The following KIAA1671 variants were observed in gnomAD, a reference collection of about 807,000 sequenced individuals.
KIAA1671 encodes KIAA1671, also known as uncharacterized protein KIAA1671.
Under a neutral mutation model 131.2 loss-of-function variants are expected in KIAA1671, and 52 were observed. The ratio of observed to expected loss-of-function variants is 0.40; its 90% CI spans 0.32 to 0.50. The LOEUF is 0.50. Among genes scored for constraint, KIAA1671 ranks in the 20% least tolerant of loss-of-function variants. The pLI is 0.73. For missense variants in KIAA1671, 2,360 were observed against 2,364.2 expected, an observed-to-expected ratio of 1.00 and a Z score of 0.04; for synonymous variants, 1,003 against 961.6, an observed-to-expected ratio of 1.04 and a Z score of -0.80.
intron 1 of KIAA1671, among the ~76,000 whole-genome samples, chr22:24,972,758 G>C (rs1271453362): frequency 6.6e-5 from 10 of 152,058 alleles, no homozygotes; most frequent in Non-Finnish European, 1.5e-5. Flanking sequence ...ACTGTTCTGG[G>C]CACCAAGGAT....
At chr22:25,167,396 T>C (rs1379978951) in intron 6 of KIAA1671, among the ~76,000 whole-genome samples, 22 of 152,194 alleles carry the variant, frequency 1.4e-4, no homozygotes, top group Admixed American at 1.4e-3. Context: ...CGTCATATTA[T>C]TGATTATAGT....
chr22:24,954,470 A>G (rs1921584863), intron 1 of KIAA1671, among the ~76,000 whole-genome samples: 1 of 152,150 alleles, frequency 6.6e-6, no homozygotes, highest in East Asian at 1.9e-4. Context: ...TACCCAAGAG[A>G]AGTGCAGAGT....
chr22:24,991,592 G>A (rs534044321), intron 1 of KIAA1671, among the ~76,000 whole-genome samples: 10 of 150,942 alleles, frequency 6.6e-5, no homozygotes, highest in Admixed American at 5.3e-4. Flanking sequence ...GAGTAGCTGG[G>A]ACTACAGGCA....
intron 6 of KIAA1671, among the ~76,000 whole-genome samples, chr22:25,162,841 C>A (rs939737166): frequency 3.9e-5 from 6 of 152,216 alleles, no homozygotes; most frequent in African/African-American, 1.4e-4. Context: ...GGAACAGAGA[C>A]CATCATGACC....
chr22:25,074,496 CAA>C (rs759898395), intron 6 of KIAA1671, among the ~76,000 whole-genome samples: 7 of 64,146 alleles, frequency 1.1e-4, no homozygotes, highest in African/African-American at 2.3e-4. Context: ...GGCTGTGTCT[CAA>C]AAAAAAAAAA....
chr22:25,190,287 A>G lies in KIAA1671; in HGVS notation c.5343-415A>G, dbSNP rs553865910. ...AGATCCCTTGCATGCACAGTTCACA[A>G]TAGGGTTCACACTCCTATGAGAATC... On this transcript the variant is annotated intron_variant, in intron 11 of 12. Transcript: ENST00000358431. Among the ~76,000 whole-genome samples the G allele has an allele frequency of 4.9e-4, 74 of 152,184 alleles. No individual in the cohort carries two copies. The South Asian group carries it at 0.015, about 31-fold the overall frequency.
At chr22:25,044,432 G>A (rs1316401271) in intron 5 of KIAA1671, among the ~76,000 whole-genome samples, 3 of 152,096 alleles carry the variant, frequency 2.0e-5, no homozygotes, top group Admixed American at 6.5e-5. Context: ...CGCTGGTGGT[G>A]GGGGAGTCGG....
At chr22:25,130,177 A>T (rs143503942) in intron 6 of KIAA1671, among the ~76,000 whole-genome samples, 281 of 152,364 alleles carry the variant, frequency 1.8e-3, no homozygotes, top group African/African-American at 6.5e-3. Context: ...TGTTATACAT[A>T]AATATTTTGG....
chr22:25,100,273 C>T (rs914032604), intron 6 of KIAA1671, among the ~76,000 whole-genome samples: 1 of 152,188 alleles, frequency 6.6e-6, no homozygotes, highest in African/African-American at 2.4e-5. Flanking sequence ...GTTGAGTTTT[C>T]GTCAGAACTG....
chr22:25,085,509 T>TCC (rs150670577), intron 6 of KIAA1671, among the ~76,000 whole-genome samples: 24 of 145,072 alleles, frequency 1.7e-4, no homozygotes, highest in South Asian at 4.5e-4. Flanking sequence ...GGCCCCCACC[T>TCC]CCCCCCCCAT....
At chr22:25,173,832 A>C (rs555657470) in intron 7 of KIAA1671, among the ~76,000 whole-genome samples, 1 of 152,154 alleles carries the variant, frequency 6.6e-6, no homozygotes, top group African/African-American at 2.4e-5. Flanking sequence ...CTTTTTTTCT[A>C]TTCAAAGTAT....
chr22:25,181,587 G>A (rs9612886), intron 9 of KIAA1671, 112 bp from the exon 10 acceptor site: 438,479 of 1,315,208 alleles, frequency 0.33, 75,276 homozygotes, highest in East Asian at 0.47. Context: ...AGCGTCTTCT[G>A]TGCAGGTCTG....
intron 1 of KIAA1671, among the ~76,000 whole-genome samples, chr22:24,961,896 C>G (rs1424141976): frequency 6.6e-6 from 1 of 152,042 alleles, no homozygotes; most frequent in Non-Finnish European, 1.5e-5. Context: ...GACAAGTGGT[C>G]GCAGAGCAGA....
chr22:25,029,088 G>A lies in KIAA1671; in HGVS notation c.1089G>A (p.Glu363=), dbSNP rs896239875. ...AGGAGAAGATGCTTTCGAAGCCGGA[G>A]ATGGGCAGCCCCAGAGCCCTGGTGG... ...ERKEKMLSKP[E]MGSPRALVGG... Residue 363 remains glutamate, a synonymous_variant, in exon 3 of 13, where the codon GAG becomes GAA. Transcript: ENST00000358431. 3 of 1,493,914 alleles carry A rather than the reference G, an allele frequency of 2.0e-6. No homozygotes were observed. Among genetic ancestry groups the A allele is most frequent in the Admixed American group, 4.7e-5 (2 of 42,430 alleles). The allele number at this position is 1,493,914 out of a possible 1,614,324, so 92.5% of individuals were successfully genotyped here. A position where few individuals can be genotyped will look rare whatever the true frequency, so the allele number is the denominator to read the frequency against.
intron 1 of KIAA1671, among the ~76,000 whole-genome samples, chr22:24,955,701 G>T (rs1481737014): frequency 4.6e-5 from 7 of 152,116 alleles, no homozygotes; most frequent in African/African-American, 1.7e-4. Flanking sequence ...ATGCCAGGAG[G>T]CTGGGGGCCA....
intron 6 of KIAA1671, among the ~76,000 whole-genome samples, chr22:25,135,859 G>A (rs941133541): frequency 5.3e-5 from 8 of 152,196 alleles, no homozygotes; most frequent in Non-Finnish European, 7.3e-5. Flanking sequence ...TGCATTGAGC[G>A]CTTACCATGT....
intron 3 of KIAA1671, 90 bp downstream of exon 3, chr22:25,029,630 A>AC (rs112794881): frequency 0.022 from 19,946 of 906,436 alleles, 277 homozygotes; most frequent in South Asian, 0.026. Context: ...GGCACTTGTC[A>AC]CCCCCCCTCA....
At chr22:25,010,178 G>A (rs1393062151) in intron 1 of KIAA1671, 1 of 151,714 alleles carries the variant, frequency 6.6e-6, no homozygotes, top group Non-Finnish European at 1.5e-5. Flanking sequence ...TATTATATTT[G>A]CACTTTTTTT....
intron 6 of KIAA1671, among the ~76,000 whole-genome samples, chr22:25,067,047 G>C (rs1209055206): frequency 6.6e-6 from 1 of 152,154 alleles, no homozygotes; most frequent in Non-Finnish European, 1.5e-5. Context: ...CTCGGCCCAC[G>C]GGTCAGGGTG....
Sources: gnomAD v4.1 joint callset for allele counts (sites outside exome capture counted in the v4.1 genomes callset) on GRCh38, gnomAD v4.1.1 for gene constraint, MANE v1.5 for transcripts, NCBI Gene and HGNC (gene_info 2026-07-23, HGNC 2026-07-21) for gene names.